SEC63: variants seen among roughly 807,000 people sequenced by gnomAD.
The protein encoded by SEC63 is translocation protein SEC63 homolog.
SEC63 carries 56 observed loss-of-function variants against 116.2 expected under a neutral mutation model. The observed-to-expected ratio is 0.48, with a 90% CI of 0.39 to 0.60. The LOEUF (loss-of-function observed/expected upper bound fraction) is 0.60, where lower values mean the gene tolerates loss of function less well. SEC63 is among the 20% of genes least tolerant of loss of function. SEC63 has a pLI of 0.00. For synonymous variants in SEC63, 273 were observed against 294.6 expected, an observed-to-expected ratio of 0.93 and a Z score of 0.75; for missense variants, 668 against 900.0, an observed-to-expected ratio of 0.74 and a Z score of 3.30.
chr6:107,940,266 A>C (rs1770347341), intron 1 of SEC63, among the ~76,000 whole-genome samples: 1 of 152,196 alleles, frequency 6.6e-6, no homozygotes, highest in Non-Finnish European at 1.5e-5. Context: ...GAACAATCTA[A>C]GTGCAAACCA....
chr6:107,906,311 T>A (rs190990444), intron 10 of SEC63, 137 bp downstream of exon 10: 1 of 1,003,518 alleles, frequency 1.0e-6, no homozygotes, highest in East Asian at 2.4e-5. Context: ...CAATTAAACC[T>A]CTTTTGTTTA....
chr6:107,873,456 A>G (rs181360134), intron 19 of SEC63, among the ~76,000 whole-genome samples: 2 of 152,312 alleles, frequency 1.3e-5, no homozygotes, highest in East Asian at 3.9e-4. Context: ...TGACATTTGT[A>G]TTCTCTGGTG....
intron 7 of SEC63, among the ~76,000 whole-genome samples, chr6:107,910,167 TTAAA>T (rs1276917662): frequency 6.6e-6 from 1 of 152,098 alleles, no homozygotes; most frequent in African/African-American, 2.4e-5. Flanking sequence ...ATTTGAAACT[TTAAA>T]TATATCTGTG....
rs1244712214 is a variant in SEC63 at position 107,958,025 on chromosome 6, G to C, written c.-16C>G. The C allele has an allele frequency of 1.8e-5, 29 of 1,612,550 alleles. No homozygotes were observed. The highest frequency in any genetic ancestry group is 2.4e-5 in the Non-Finnish European group (28 of 1,179,240). ...GCCCGGCCATGGCACCCCCTCCTCC[G>C]CCTCGCTCTTCTCACCGCCGCCGCC... is the stretch of plus-strand genomic sequence containing the variant. On this transcript the variant is annotated 5_prime_UTR_variant, in exon 1 of 21. Transcript: ENST00000369002.
At chr6:107,881,339 T>C (rs1475676512) in intron 17 of SEC63, 89 bp from the exon 18 acceptor site, 1 of 859,556 alleles carries the variant, frequency 1.2e-6, no homozygotes, top group East Asian at 2.6e-5. Flanking sequence ...ACAATGCTAA[T>C]TAACTACTTA....
At chr6:107,939,821 A>G (rs1455766705) in intron 1 of SEC63, among the ~76,000 whole-genome samples, 4 of 152,252 alleles carry the variant, frequency 2.6e-5, no homozygotes, top group African/African-American at 9.6e-5. Context: ...TTTGTTTGCC[A>G]GAATGTTTCA....
chr6:107,927,087 G>C (rs933803930), intron 2 of SEC63, among the ~76,000 whole-genome samples: 6 of 152,056 alleles, frequency 3.9e-5, no homozygotes, highest in African/African-American at 1.4e-4. Context: ...GTGGGGAATG[G>C]AGTCTTACTC....
At chr6:107,899,614 G>A (rs190562236) in intron 13 of SEC63, among the ~76,000 whole-genome samples, 164 of 152,222 alleles carry the variant, frequency 1.1e-3, no homozygotes, top group Non-Finnish European at 1.9e-3. Context: ...AGCTACTTGG[G>A]AGGGCTGAGG....
chr6:107,888,800 G>T (rs1786602227), intron 16 of SEC63, among the ~76,000 whole-genome samples: 1 of 152,148 alleles, frequency 6.6e-6, no homozygotes, highest in African/African-American at 2.4e-5. Flanking sequence ...TTAGCATGAA[G>T]GGCTGCTGAA....
At chr6:107,912,447 G>A (rs1235723434) in intron 6 of SEC63, among the ~76,000 whole-genome samples, 1 of 152,136 alleles carries the variant, frequency 6.6e-6, no homozygotes, top group Non-Finnish European at 1.5e-5. Context: ...GCCAGGCATG[G>A]TGGTGGGTAC....
intron 8 of SEC63, among the ~76,000 whole-genome samples, chr6:107,907,483 G>A (rs1344878397): frequency 6.6e-6 from 1 of 152,134 alleles, no homozygotes; most frequent in Non-Finnish European, 1.5e-5. Context: ...TCGGGAGGCT[G>A]AGGCAGGAGA....
In SEC63 at chr6:107,958,173, T is replaced by A. The variant is rs1398924230; in HGVS notation, c.-164A>T. ...CTCACGGACACGCCGCCGCCACCTC[T>A]GCCGCTGCCGCCGCCGTCGCCAGCT... On this transcript the variant is annotated 5_prime_UTR_variant, in exon 1 of 21. Coordinates refer to ENST00000369002, the MANE Select transcript of SEC63 (RefSeq NM_007214.5). 1.9e-6 allele frequency: 2 copies of A among 1,062,036 alleles called. No homozygotes were observed. Among genetic ancestry groups the A allele is most frequent in the African/African-American group, 1.6e-5 (1 of 63,290 alleles). 65.8% of individuals were successfully genotyped at this position (1,062,036 alleles called of 1,614,324 possible).
intron 1 of SEC63, chr6:107,957,679 T>C (rs1378831848): frequency 5.1e-6 from 2 of 389,888 alleles, no homozygotes; most frequent in Non-Finnish European, 8.7e-6. Flanking sequence ...GCGAAACTCC[T>C]GAGGACAATG....
chr6:107,875,149 C>A (rs1562311747), intron 19 of SEC63, among the ~76,000 whole-genome samples: 1 of 152,092 alleles, frequency 6.6e-6, no homozygotes, highest in African/African-American at 2.4e-5. Context: ...CAGGTGTAAG[C>A]CACTGCACCC....
At chr6:107,874,436 A>T (rs979144024) in intron 19 of SEC63, among the ~76,000 whole-genome samples, 38 of 152,154 alleles carry the variant, frequency 2.5e-4, no homozygotes, top group East Asian at 2.3e-3. Context: ...CTACTAAAAA[A>T]ATATAAAAAA....
chr6:107,947,373 C>A (rs886517928), intron 1 of SEC63, among the ~76,000 whole-genome samples: 12 of 152,038 alleles, frequency 7.9e-5, no homozygotes, highest in Non-Finnish European at 1.5e-4. Flanking sequence ...AACAAAAAAA[C>A]CAAACCACTC....
chr6:107,958,168 A>ACCTCTG lies in SEC63; in HGVS notation c.-165_-160dup. 8.8e-7 allele frequency: 1 copy of ACCTCTG among 1,133,898 alleles called. No homozygotes were observed. Among genetic ancestry groups the ACCTCTG allele is most frequent in the Non-Finnish European group, 1.2e-6 (1 of 800,400 alleles). 70.2% of individuals were successfully genotyped at this position (1,133,898 alleles called of 1,614,324 possible). A position where few individuals can be genotyped will look rare whatever the true frequency, so the allele number is the denominator to read the frequency against. ...CCACTCTCACGGACACGCCGCCGCCACCTCTGCCGCTGCCGCCGCCGTCGC... is the reference window on the plus strand; with the variant it reads ...CCACTCTCACGGACACGCCGCCGCCACCTCTGCCTCTGCCGCTGCCGCCGCCGTCGC... On this transcript the variant is annotated 5_prime_UTR_variant, in exon 1 of 21. Coordinates refer to ENST00000369002, the MANE Select transcript of SEC63 (RefSeq NM_007214.5).
intron 1 of SEC63, among the ~76,000 whole-genome samples, chr6:107,949,872 G>C (rs1457631224): frequency 2.6e-5 from 4 of 152,170 alleles, no homozygotes; most frequent in Non-Finnish European, 5.9e-5. Flanking sequence ...CTGGACTCAA[G>C]TGTTCCTCCC....
chr6:107,893,964 C>A, intron 14 of SEC63, 67 bp from the exon 15 acceptor site: 2 of 1,523,928 alleles, frequency 1.3e-6, no homozygotes, highest in South Asian at 1.1e-5. Context: ...ACAAACAAAG[C>A]AATCTTTCAA....
Sources: allele counts gnomAD v4.1 joint callset (sites outside exome capture counted in the v4.1 genomes callset), GRCh38; gene constraint gnomAD v4.1.1; transcripts MANE v1.5; gene names NCBI Gene and HGNC (gene_info 2026-07-23, HGNC 2026-07-21).